Variants in PCDHA9 observed in about 807,000 individuals in gnomAD.
PCDHA9 encodes the protein protocadherin alpha-9.
In PCDHA9, 62 loss-of-function variants were observed where a neutral mutation model predicts 62.0. The ratio of observed to expected loss-of-function variants is 1.00; its 90% CI spans 0.81 to 1.23. PCDHA9 has a LOEUF of 1.23. Among genes scored for constraint, PCDHA9 ranks in the 50% most tolerant of loss-of-function variants. PCDHA9 has a pLI of 0.00. For missense variants in PCDHA9, 1,205 were observed against 1,249.8 expected, an observed-to-expected ratio of 0.96 and a Z score of 0.54; for synonymous variants, 557 against 567.6, an observed-to-expected ratio of 0.98 and a Z score of 0.27.
intron 1 of PCDHA9, chr5:140,928,909 C>T (rs1364728842): frequency 1.6e-5 from 26 of 1,614,034 alleles, no homozygotes; most frequent in Non-Finnish European, 2.1e-5. Flanking sequence ...TGTCTGGGAA[C>T]CAGGAGGGCA....
At chr5:140,987,268 C>T (rs190952772) in intron 3 of PCDHA9, among the ~76,000 whole-genome samples, 177 of 151,894 alleles carry the variant, frequency 1.2e-3, no homozygotes, top group African/African-American at 4.1e-3. Flanking sequence ...GAATGGGACC[C>T]GGCAGTCTAT....
intron 1 of PCDHA9, among the ~76,000 whole-genome samples, chr5:140,925,108 G>A (rs77719760): frequency 1.1e-3 from 139 of 124,762 alleles, no homozygotes; most frequent in African/African-American, 2.5e-3. Flanking sequence ...GAAGGAAGGA[G>A]GGAAGGAAGG....
chr5:140,866,884 T>C (rs1016288169), intron 1 of PCDHA9: 1 of 152,130 alleles, frequency 6.6e-6, no homozygotes, highest in Non-Finnish European at 1.5e-5. Flanking sequence ...TATTAGCCTA[T>C]ACCCAGATAT....
intron 1 of PCDHA9, among the ~76,000 whole-genome samples, chr5:140,886,582 C>A (rs1304608793): frequency 6.6e-6 from 1 of 151,938 alleles, no homozygotes; most frequent in African/African-American, 2.4e-5. Flanking sequence ...AATCCCAGCA[C>A]TTTGGGAGGC....
At chr5:140,980,728 A>T (rs1268236317) in intron 2 of PCDHA9, among the ~76,000 whole-genome samples, 1 of 152,168 alleles carries the variant, frequency 6.6e-6, no homozygotes, top group African/African-American at 2.4e-5. Context: ...TTCAATTAAG[A>T]TATTATGAGA....
At chr5:140,933,133 G>T (rs782720038) in intron 1 of PCDHA9, among the ~76,000 whole-genome samples, 1 of 151,914 alleles carries the variant, frequency 6.6e-6, no homozygotes, top group Non-Finnish European at 1.5e-5. Context: ...AATAATAAAG[G>T]TAGATAGCCA....
chr5:141,007,366 CATG>C (rs1319534619), intron 3 of PCDHA9, among the ~76,000 whole-genome samples: 13 of 118,904 alleles, frequency 1.1e-4, no homozygotes, highest in Admixed American at 7.7e-4. Flanking sequence ...GCCTGGGCAA[CATG>C]ATGGAACACC....
intron 1 of PCDHA9, chr5:140,870,188 C>T: frequency 6.2e-7 from 1 of 1,614,142 alleles, no homozygotes; most frequent in Non-Finnish European, 8.5e-7. Flanking sequence ...CGAGAGGACG[C>T]TCAGCCCAGC....
At chr5:140,948,860 T>C (rs2094315023) in intron 1 of PCDHA9, among the ~76,000 whole-genome samples, 2 of 151,640 alleles carry the variant, frequency 1.3e-5, no homozygotes, top group Non-Finnish European at 3.0e-5. Flanking sequence ...CTTCTTATAT[T>C]ACTTCGGGTT....
At position 140,969,169 on chromosome 5, in the gene PCDHA9, A is replaced by G. The variant is rs201735192; in HGVS notation, c.2395-9780A>G. 2.0e-5 allele frequency: 33 copies of G among 1,614,094 alleles called. No homozygotes were observed. In the Admixed American group the frequency reaches 5.5e-4, roughly 27 times the overall value. On this transcript the variant is annotated intron_variant, in intron 1 of 3. Transcript: ENST00000532602. The stretch of plus-strand genomic sequence containing the variant: ...ACAAGGCCTGTCTGACAGCAGGCTC[A>G]GGGAGTGACACTTTCATGTTTTACA...
At chr5:140,893,987 T>A (rs112405686) in intron 1 of PCDHA9, among the ~76,000 whole-genome samples, 1 of 152,202 alleles carries the variant, frequency 6.6e-6, no homozygotes, top group Non-Finnish European at 1.5e-5. Context: ...TTTTAAAATA[T>A]CTCCAATTGT....
At chr5:140,875,958 C>A in intron 1 of PCDHA9, 1 of 1,614,080 alleles carries the variant, frequency 6.2e-7, no homozygotes, top group Middle Eastern at 1.6e-4. Context: ...ATGCGGATAT[C>A]GGCGTAAACT....
intron 1 of PCDHA9, chr5:140,877,659 G>A (rs1554169954): frequency 9.3e-6 from 15 of 1,613,500 alleles, no homozygotes; most frequent in Admixed American, 1.7e-5. Flanking sequence ...CGCCCACCGT[G>A]AGCCGGTGCG....
intron 1 of PCDHA9, chr5:140,857,719 G>A (rs781995177): frequency 6.3e-7 from 1 of 1,597,526 alleles, no homozygotes. Flanking sequence ...TGCTGGACGA[G>A]AACGACAACG....
chr5:140,970,651 T>C (rs1191146950), intron 1 of PCDHA9, among the ~76,000 whole-genome samples: 4 of 152,226 alleles, frequency 2.6e-5, no homozygotes, highest in Non-Finnish European at 5.9e-5. Flanking sequence ...TAGTGATGAA[T>C]TGTTATCTTT....
At chr5:140,967,989 T>G (rs781892084) in intron 1 of PCDHA9, 2 of 1,614,228 alleles carry the variant, frequency 1.2e-6, no homozygotes, top group Non-Finnish European at 1.7e-6. Flanking sequence ...GAGGCCACAC[T>G]GCCTTTCCGA....
rs2154002003 is a variant in PCDHA9, at chr5:141,010,389, G to GAC, written c.*453_*454dup. The stretch of plus-strand genomic sequence containing the variant: ...TATGCGAGTGCCAGATATTGGCTGA[G>GAC]ACGAGCCAGCTTAGACTAATTGGTA... On this transcript the variant is annotated 3_prime_UTR_variant, in exon 4 of 4. Coordinates refer to ENST00000532602, the MANE Select transcript of PCDHA9 (RefSeq NM_031857.2). 1.4e-6 allele frequency: 2 copies of GAC among 1,400,314 alleles called. No individual in the cohort carries two copies. The highest frequency in any genetic ancestry group is 5.0e-5 in the East Asian group (2 of 40,030). The allele number at this position is 1,400,314 out of a possible 1,614,324, so 86.7% of individuals were successfully genotyped here. A position where few individuals can be genotyped will look rare whatever the true frequency, so the allele number is the denominator to read the frequency against.
At chr5:140,980,607 C>T (rs1471918192) in intron 2 of PCDHA9, among the ~76,000 whole-genome samples, 5 of 151,334 alleles carry the variant, frequency 3.3e-5, no homozygotes, top group Non-Finnish European at 7.4e-5. Context: ...TCCAGCCTGG[C>T]GACAGTGCGA....
chr5:140,887,456 A>G (rs1291884808), intron 1 of PCDHA9, among the ~76,000 whole-genome samples: 1 of 152,138 alleles, frequency 6.6e-6, no homozygotes, highest in Non-Finnish European at 1.5e-5. Flanking sequence ...CAGTTTTTTA[A>G]AAGATATAAT....
Sources: allele counts gnomAD v4.1 joint callset (sites outside exome capture counted in the v4.1 genomes callset), GRCh38; gene constraint gnomAD v4.1.1; transcripts MANE v1.5; gene names NCBI Gene and HGNC (gene_info 2026-07-23, HGNC 2026-07-21).